The following ARPC5L variants were observed in gnomAD, a reference collection of about 807,000 sequenced individuals.
ARPC5L encodes actin related protein 2/3 complex subunit 5 like, also known as actin-related protein 2/3 complex subunit 5-like protein.
In ARPC5L, 4 loss-of-function variants were observed where a neutral mutation model predicts 16.9. The ratio of observed to expected loss-of-function variants is 0.24; its 90% CI spans 0.12 to 0.54. ARPC5L has a LOEUF of 0.54. ARPC5L is among the 20% of genes least tolerant of loss of function. The pLI, the probability that ARPC5L is intolerant of heterozygous loss-of-function variation, is 0.95. For synonymous variants in ARPC5L, 78 were observed against 82.6 expected (o/e 0.94, Z 0.30); for missense variants, 151 against 201.9 (o/e 0.75, Z 1.53).
rs947190249 is a variant in ARPC5L at position 124,869,001 on chromosome 9, C to T, written c.-290C>T. 5 of 317,828 alleles carry T rather than the reference C, an allele frequency of 1.6e-5. No homozygotes were observed. Among genetic ancestry groups the T allele is most frequent in the Non-Finnish European group, 2.9e-5 (5 of 174,806 alleles). 19.7% of individuals were successfully genotyped at this position (317,828 alleles called of 1,614,324 possible). A position where few individuals can be genotyped will look rare whatever the true frequency, so the allele number is the denominator to read the frequency against. On this transcript the variant is annotated 5_prime_UTR_variant, in exon 3 of 6. Transcript: ENST00000353214. ...CTGCACAGATGCCGGGCGCCCGATC[C>T]TCAGTGACAAAATAGAGACTCCGTG...
In ARPC5L at chr9:124,869,284, T is replaced by C; in HGVS notation, c.-7T>C. On this transcript the variant is annotated 5_prime_UTR_variant, in exon 3 of 6. Coordinates refer to ENST00000353214, the MANE Select transcript of ARPC5L (RefSeq NM_030978.3). ...GGAGCCGGCTGAGCGGGCGCCGAGC[T>C]CCCGCCATGGCCCGGAACACGCTGT... 1 of 1,516,950 alleles carries C rather than the reference T, an allele frequency of 6.6e-7. No individual in the cohort carries two copies. Among genetic ancestry groups the C allele is most frequent in the Non-Finnish European group, 8.8e-7 (1 of 1,133,194 alleles). 94.0% of individuals were successfully genotyped at this position (1,516,950 alleles called of 1,614,324 possible). A position where few individuals can be genotyped will look rare whatever the true frequency, so the allele number is the denominator to read the frequency against.
At chr9:124,870,023 C>T (rs916190941) in intron 3 of ARPC5L, among the ~76,000 whole-genome samples, 1 of 152,166 alleles carries the variant, frequency 6.6e-6, no homozygotes, top group Non-Finnish European at 1.5e-5. Flanking sequence ...GTCTCTCTTC[C>T]CCCAGTCAGT....
intron 2 of ARPC5L, among the ~76,000 whole-genome samples, chr9:124,864,715 G>T (rs1235584551): frequency 6.6e-6 from 1 of 151,742 alleles, no homozygotes; most frequent in Non-Finnish European, 1.5e-5. Context: ...GTTTCGCCAG[G>T]GTGGTCTCAA....
intron 5 of ARPC5L, among the ~76,000 whole-genome samples, chr9:124,875,770 C>T (rs1829424935): frequency 6.6e-6 from 1 of 152,222 alleles, no homozygotes; most frequent in Non-Finnish European, 1.5e-5. Flanking sequence ...CCTGCACACC[C>T]CTAGTGCCGC....
chr9:124,873,389 T>C (rs1325674064), intron 3 of ARPC5L: 8 of 429,562 alleles, frequency 1.9e-5, no homozygotes, highest in Non-Finnish European at 3.5e-5. Context: ...GATACAGTGC[T>C]CAGCACCAAG....
intron 3 of ARPC5L, among the ~76,000 whole-genome samples, chr9:124,871,624 G>A (rs1829361659): frequency 6.6e-6 from 1 of 152,212 alleles, no homozygotes; most frequent in Non-Finnish European, 1.5e-5. Context: ...GAGATGGCGT[G>A]TGAAAGCACC....
At chr9:124,869,493 A>G (rs959207035) in intron 3 of ARPC5L, 54 bp downstream of exon 3, 3 of 1,399,554 alleles carry the variant, frequency 2.1e-6, no homozygotes, top group African/African-American at 3.1e-5. Context: ...TCACCTTCCC[A>G]CCTTCCCACC....
intron 3 of ARPC5L, 133 bp from the exon 4 acceptor site, chr9:124,873,558 CT>C (rs1046961339): frequency 4.5e-5 from 45 of 994,156 alleles, no homozygotes; most frequent in Admixed American, 6.0e-5. Context: ...CTCTGCCCCC[CT>C]GGAAGCCGTG....
At chr9:124,876,636 C>T (rs888792823) in intron 5 of ARPC5L, among the ~76,000 whole-genome samples, 1 of 152,206 alleles carries the variant, frequency 6.6e-6, no homozygotes, top group African/African-American at 2.4e-5. Context: ...AGCTCGAGGG[C>T]TCTGCTTTGT....
rs1829311106 is a variant in ARPC5L at position 124,869,046 on chromosome 9, G to C, written c.-245G>C. 2.6e-6 allele frequency: 1 copy of C among 387,052 alleles called. No individual in the cohort carries two copies. Among genetic ancestry groups the C allele is most frequent in the Non-Finnish European group, 4.5e-6 (1 of 221,372 alleles). The allele number at this position is 387,052 out of a possible 1,614,324, so 24.0% of individuals were successfully genotyped here. A position where few individuals can be genotyped will look rare whatever the true frequency, so the allele number is the denominator to read the frequency against. On this transcript the variant is annotated 5_prime_UTR_variant, in exon 3 of 6. Transcript: ENST00000353214. ...TCCGTGGAAGGGACACTGAGGTGGGGGAGGCTGCGGTGATCCCATACCGCA... is the reference window on the plus strand; with the variant it reads ...TCCGTGGAAGGGACACTGAGGTGGGCGAGGCTGCGGTGATCCCATACCGCA...
intron 2 of ARPC5L, among the ~76,000 whole-genome samples, chr9:124,867,572 TCCATGA>T (rs1224676834): frequency 6.6e-6 from 1 of 152,140 alleles, no homozygotes; most frequent in Non-Finnish European, 1.5e-5. Context: ...GGAATGAAAG[TCCATGA>T]CCATGAGCTG....
rs551594328 is a variant in ARPC5L, at chr9:124,876,799, C to A, written c.400-79C>A. The A allele has an allele frequency of 7.5e-5, 84 of 1,126,186 alleles. No homozygotes were observed. In the African/African-American group the frequency reaches 1.0e-3, roughly 14 times the overall value. 69.8% of individuals were successfully genotyped at this position (1,126,186 alleles called of 1,614,324 possible). ...TGACGGGATCTAGGTCAGGGAATGT[C>A]CCCCCTGTCTCTGGCAAGCCAGGCT... is the stretch of plus-strand genomic sequence containing the variant. On this transcript the variant is annotated intron_variant, in intron 5 of 5. Transcript: ENST00000353214.
intron 3 of ARPC5L, among the ~76,000 whole-genome samples, chr9:124,870,551 G>T (rs1358638814): frequency 6.6e-6 from 1 of 152,114 alleles, no homozygotes; most frequent in African/African-American, 2.4e-5. Flanking sequence ...CCTTTAAACC[G>T]AAAACCTTCA....
intron 4 of ARPC5L, 24 bp downstream of exon 4, chr9:124,873,788 T>C (rs1402790191): frequency 1.2e-6 from 2 of 1,613,860 alleles, no homozygotes; most frequent in South Asian, 1.1e-5. Context: ...GCTGCGGCTC[T>C]GCTGGGTGCT....
Position 124,877,114 on chromosome 9 carries a change from A to G in ARPC5L, c.*174A>G. Reference sequence around the variant, plus strand: ...TGGAGGGGAAAATCGTCTGTTTCCTAAATCCTGTTTAGGATCTGATAGTCT... The same window carrying G: ...TGGAGGGGAAAATCGTCTGTTTCCTGAATCCTGTTTAGGATCTGATAGTCT... On this transcript the variant is annotated 3_prime_UTR_variant, in exon 6 of 6. Coordinates refer to ENST00000353214, the MANE Select transcript of ARPC5L (RefSeq NM_030978.3). 4.9e-6 allele frequency: 3 copies of G among 616,416 alleles called. No individual in the cohort carries two copies. The South Asian group carries it at 6.0e-5, about 12-fold the overall frequency. 38.2% of individuals were successfully genotyped at this position (616,416 alleles called of 1,614,324 possible). A position where few individuals can be genotyped will look rare whatever the true frequency, so the allele number is the denominator to read the frequency against.
chr9:124,867,432 G>C (rs867750757), intron 2 of ARPC5L, among the ~76,000 whole-genome samples: 2 of 152,024 alleles, frequency 1.3e-5, no homozygotes, highest in Admixed American at 1.3e-4. Flanking sequence ...GAGCCACTGC[G>C]CCCGGCCAGG....
At chr9:124,863,462 A>G (rs1013311382) in intron 1 of ARPC5L, among the ~76,000 whole-genome samples, 8 of 152,306 alleles carry the variant, frequency 5.3e-5, no homozygotes, top group Admixed American at 1.3e-4. Context: ...AGCCTTTTTT[A>G]AAGTGAACCT....
chr9:124,865,379 A>T (rs1829255093), intron 2 of ARPC5L, among the ~76,000 whole-genome samples: 1 of 150,340 alleles, frequency 6.7e-6, no homozygotes, highest in African/African-American at 2.4e-5. Context: ...TTATATTTTT[A>T]AATGCTTAGA....
intron 5 of ARPC5L, 136 bp from the exon 6 acceptor site, chr9:124,876,742 C>T (rs961993984): frequency 5.3e-5 from 37 of 698,014 alleles, no homozygotes; most frequent in Middle Eastern, 7.6e-4. Flanking sequence ...CTAGAATGTG[C>T]TCTATCTCAG....
Sources: gnomAD v4.1 joint callset for allele counts (sites outside exome capture counted in the v4.1 genomes callset) on GRCh38, gnomAD v4.1.1 for gene constraint, MANE v1.5 for transcripts, NCBI Gene and HGNC (gene_info 2026-07-23, HGNC 2026-07-21) for gene names.